The following SORCS2 variants were observed in gnomAD, a reference collection of about 807,000 sequenced individuals.
The protein encoded by SORCS2 is VPS10 domain-containing receptor SorCS2.
A neutral mutation model predicts 141.6 loss-of-function variants in SORCS2; 100 were observed. The observed-to-expected ratio is 0.71, with a 90% CI of 0.60 to 0.83. The LOEUF is 0.83. Among genes scored for constraint, SORCS2 ranks in the 40% least tolerant of loss-of-function variants. The probability of loss-of-function intolerance (pLI) is 0.00; values close to 1 mark genes in which losing one functional copy is unlikely to be tolerated. For synonymous variants in SORCS2, 789 were observed against 676.9 expected, an observed-to-expected ratio of 1.17 and a Z score of -2.57; for missense variants, 1,646 against 1,560.2, an observed-to-expected ratio of 1.05 and a Z score of -0.93.
At chr4:7,591,975 C>G (rs950480859) in intron 3 of SORCS2, among the ~76,000 whole-genome samples, 8 of 152,130 alleles carry the variant, frequency 5.3e-5, no homozygotes, top group African/African-American at 1.9e-4. Flanking sequence ...AACAGAAAAT[C>G]CCAGCAGGTT....
At chr4:7,411,892 C>T (rs972651026) in intron 2 of SORCS2, among the ~76,000 whole-genome samples, 1 of 152,142 alleles carries the variant, frequency 6.6e-6, no homozygotes, top group Non-Finnish European at 1.5e-5. Flanking sequence ...CCTCCCTTCT[C>T]TTAAAGCTGC....
intron 5 of SORCS2, among the ~76,000 whole-genome samples, chr4:7,655,409 C>T (rs1028647925): frequency 3.9e-5 from 6 of 152,224 alleles, no homozygotes; most frequent in African/African-American, 1.4e-4. Flanking sequence ...CTCTTGCCCC[C>T]TCAGCCTTCC....
chr4:7,501,401 C>G, intron 2 of SORCS2, among the ~76,000 whole-genome samples: 1 of 152,216 alleles, frequency 6.6e-6, no homozygotes, highest in East Asian at 1.9e-4. Flanking sequence ...GATCCAGTCC[C>G]CTTTCAAGTC....
chr4:7,714,003 C>T (rs925809645), intron 15 of SORCS2, among the ~76,000 whole-genome samples: 4 of 152,222 alleles, frequency 2.6e-5, no homozygotes, highest in Non-Finnish European at 5.9e-5. Context: ...TGCGACCCCT[C>T]GGGCCCAGCC....
chr4:7,285,811 G>C (rs536096605), intron 1 of SORCS2, among the ~76,000 whole-genome samples: 1 of 152,238 alleles, frequency 6.6e-6, no homozygotes, highest in Non-Finnish European at 1.5e-5. Context: ...GGGTGCGGGA[G>C]TGTGTGGGCC....
chr4:7,484,789 C>T (rs1320920991), intron 2 of SORCS2, among the ~76,000 whole-genome samples: 2 of 152,064 alleles, frequency 1.3e-5, no homozygotes, highest in East Asian at 3.9e-4. Flanking sequence ...CCCTCCTGCA[C>T]CCAGCCTCCC....
intron 4 of SORCS2, among the ~76,000 whole-genome samples, chr4:7,640,381 AGT>A (rs201204175): frequency 3.3e-5 from 4 of 119,530 alleles, no homozygotes; most frequent in African/African-American, 6.2e-5. Flanking sequence ...AATGTACATG[AGT>A]GTGTGGGTGT....
chr4:7,240,686 C>T (rs1020777764), intron 1 of SORCS2, among the ~76,000 whole-genome samples: 2 of 152,082 alleles, frequency 1.3e-5, no homozygotes, highest in African/African-American at 2.4e-5. Context: ...TTTCTAGCCC[C>T]GGATCCTGTT....
In SORCS2 at chr4:7,638,313, C is replaced by T. The variant is rs373144930; in HGVS notation, c.649-15C>T. 45 of 1,497,754 alleles carry T rather than the reference C, an allele frequency of 3.0e-5. No homozygotes were observed. The highest frequency in any genetic ancestry group is 1.0e-4 in the East Asian group (4 of 39,100). 92.8% of individuals were successfully genotyped at this position (1,497,754 alleles called of 1,614,324 possible). On this transcript the variant is annotated splice_polypyrimidine_tract_variant and intron_variant, in intron 3 of 26. Transcript: ENST00000507866. ...GGCACCTGGCCCAGGCCTCACAACC[C>T]GCTTTGTGTTTCAGGTCATCCTTGT...
intron 1 of SORCS2, among the ~76,000 whole-genome samples, chr4:7,219,804 T>C (rs986430789): frequency 3.6e-5 from 5 of 138,106 alleles, no homozygotes; most frequent in Admixed American, 2.9e-4. Flanking sequence ...GCTGGGAATT[T>C]GGAGGGCCTG....
intron 2 of SORCS2, among the ~76,000 whole-genome samples, chr4:7,465,065 G>C (rs1459442802): frequency 6.6e-6 from 1 of 152,360 alleles, no homozygotes; most frequent in Non-Finnish European, 1.5e-5. Flanking sequence ...CCCCTTGCAG[G>C]GTTTTTGTGG....
At chr4:7,652,140 G>T (rs1305496340) in intron 4 of SORCS2, among the ~76,000 whole-genome samples, 1 of 152,150 alleles carries the variant, frequency 6.6e-6, no homozygotes, top group African/African-American at 2.4e-5. Context: ...TGATAGAGAT[G>T]CCTTCCCCAC....
Position 7,378,623 on chromosome 4 carries a change from G to T in SORCS2, c.481-17665G>T, listed in dbSNP as rs148250154. Reference sequence around the variant, plus strand: ...CTCCACCTGGTCCCGCCCTTGACACGTGGAGATTATTGCAATTCAAGGTGA... The same window carrying T: ...CTCCACCTGGTCCCGCCCTTGACACTTGGAGATTATTGCAATTCAAGGTGA... On this transcript the variant is annotated intron_variant, in intron 1 of 26. Coordinates refer to ENST00000507866, the MANE Select transcript of SORCS2 (RefSeq NM_020777.3). Among the ~76,000 whole-genome samples, 950 of 152,226 alleles carry T rather than the reference G, an allele frequency of 6.2e-3. 5 individuals are homozygous for T. Among genetic ancestry groups the T allele is most frequent in the African/African-American group, 0.022 (898 of 41,548 alleles).
At chr4:7,615,518 T>A (rs924723730) in intron 3 of SORCS2, among the ~76,000 whole-genome samples, 1 of 152,190 alleles carries the variant, frequency 6.6e-6, no homozygotes, top group Non-Finnish European at 1.5e-5. Context: ...TGGGGTGATC[T>A]AAGAGGGACA....
intron 3 of SORCS2, among the ~76,000 whole-genome samples, chr4:7,585,946 T>C (rs1716509162): frequency 6.6e-6 from 1 of 152,266 alleles, no homozygotes; most frequent in Admixed American, 6.5e-5. Context: ...CCATGCCAAT[T>C]TGGCAGTTCA....
chr4:7,460,355 G>A (rs1030341639), intron 2 of SORCS2, among the ~76,000 whole-genome samples: 4 of 152,206 alleles, frequency 2.6e-5, no homozygotes, highest in East Asian at 1.9e-4. Context: ...GGTGGCCAAC[G>A]CAGCTTCCAC....
intron 1 of SORCS2, among the ~76,000 whole-genome samples, chr4:7,313,478 C>G (rs1875342): frequency 0.59 from 90,409 of 151,980 alleles, 27,039 homozygotes; most frequent in South Asian, 0.76. Flanking sequence ...GAGGAGCGGA[C>G]ATGCTGGGGT....
In SORCS2 at chr4:7,651,563, C is replaced by T. The variant is rs1253988041; in HGVS notation, c.814-2571C>T. 1.2e-4 allele frequency among the ~76,000 whole-genome samples: 18 copies of T among 152,198 alleles called. 1 individual carries two copies. The highest frequency in any genetic ancestry group is 1.2e-3 in the Admixed American group (18 of 15,288). Reference sequence around the variant, plus strand: ...TGACTCCAGAAGGGATGGCACCGTGCCCAAGAGGCCACAGAAGAGACCTAG... The same window carrying T: ...TGACTCCAGAAGGGATGGCACCGTGTCCAAGAGGCCACAGAAGAGACCTAG... On this transcript the variant is annotated intron_variant, in intron 4 of 26. Coordinates refer to ENST00000507866, the MANE Select transcript of SORCS2 (RefSeq NM_020777.3).
Position 7,193,157 on chromosome 4 carries a change from C to G in SORCS2, c.480+31C>G. ...TGACCTCCACGCGCTCGCCGCGGCC[C>G]CTACCCGGGACACCGCGGGACACCC... On this transcript the variant is annotated intron_variant, in intron 1 of 26. Coordinates refer to ENST00000507866, the MANE Select transcript of SORCS2 (RefSeq NM_020777.3). The surrounding 1 kb of genome is among the most constrained non-coding windows in gnomAD (Gnocchi z 4.8). 1 of 1,481,806 alleles carries G rather than the reference C, an allele frequency of 6.7e-7. No individual in the cohort carries two copies. Among genetic ancestry groups the G allele is most frequent in the Non-Finnish European group, 8.9e-7 (1 of 1,122,982 alleles). 91.8% of individuals were successfully genotyped at this position (1,481,806 alleles called of 1,614,324 possible).
Sources: allele counts gnomAD v4.1 joint callset (sites outside exome capture counted in the v4.1 genomes callset), GRCh38; gene constraint gnomAD v4.1.1; non-coding constraint Gnocchi (gnomAD v3.1); transcripts MANE v1.5; gene names NCBI Gene and HGNC (gene_info 2026-07-23, HGNC 2026-07-21).